The following LRRC18 variants were observed in gnomAD, a reference collection of about 807,000 sequenced individuals.
LRRC18 encodes the protein leucine rich repeat containing 18, also known as leucine-rich repeat-containing protein 18.
A neutral mutation model predicts 11.2 loss-of-function variants in LRRC18; 12 were observed. The observed-to-expected ratio is 1.07, with a 90% CI of 0.69 to 1.74. LRRC18 has a LOEUF of 1.74. Ranked by LOEUF, LRRC18 falls within the 40% of genes most tolerant of loss-of-function variation. The probability of loss-of-function intolerance (pLI) is 0.00; values close to 1 mark genes in which losing one functional copy is unlikely to be tolerated. For synonymous variants in LRRC18, 155 were observed against 130.6 expected (o/e 1.19, Z -1.27); for missense variants, 374 against 330.5 (o/e 1.13, Z -1.02).
chr10:48,916,430 T>C (rs1171736956), upstream of LRRC18, among the ~76,000 whole-genome samples: 2 of 152,194 alleles, frequency 1.3e-5, no homozygotes, highest in Non-Finnish European at 2.9e-5. Flanking sequence ...GGCCACCCTG[T>C]ATCCCTGGAG....
chr10:48,926,175 C>T, the LRRC18 span, among the ~76,000 whole-genome samples: 1 of 152,218 alleles, frequency 6.6e-6, no homozygotes, highest in Non-Finnish European at 1.5e-5. Flanking sequence ...GGAAGCCATC[C>T]TGGAATCCTA....
the LRRC18 span, among the ~76,000 whole-genome samples, chr10:48,919,796 T>C: frequency 6.6e-6 from 1 of 152,198 alleles, no homozygotes; most frequent in South Asian, 2.1e-4. Context: ...AGAGTTTCAA[T>C]ACAGATTTTT....
At chr10:48,929,086 C>G in the LRRC18 span, among the ~76,000 whole-genome samples, 1 of 152,096 alleles carries the variant, frequency 6.6e-6, no homozygotes, top group African/African-American at 2.4e-5. Flanking sequence ...AGGGGGAGGC[C>G]AGGAGGGCCA....
the LRRC18 span, among the ~76,000 whole-genome samples, chr10:48,934,222 G>A: frequency 6.6e-6 from 1 of 152,234 alleles, no homozygotes; most frequent in African/African-American, 2.4e-5. Flanking sequence ...GTTGATAAAT[G>A]TATGGAGAAT....
exon 2 of LRRC18, chr10:48,910,014 C>A: frequency 1.8e-6 from 1 of 541,888 alleles, no homozygotes; most frequent in Non-Finnish European, 3.3e-6. Flanking sequence ...ATTTTAAAAA[C>A]CACATCAAAT....
chr10:48,938,855 G>C, the LRRC18 span, among the ~76,000 whole-genome samples: 1 of 152,228 alleles, frequency 6.6e-6, no homozygotes, highest in African/African-American at 2.4e-5. Context: ...ATCCAGTAGA[G>C]GTGGACACCT....
At chr10:48,922,531 T>A in the LRRC18 span, among the ~76,000 whole-genome samples, 1 of 152,216 alleles carries the variant, frequency 6.6e-6, no homozygotes, top group African/African-American at 2.4e-5. Flanking sequence ...TTGAAATTGT[T>A]CTATTTTATG....
the LRRC18 span, among the ~76,000 whole-genome samples, chr10:48,922,966 G>T: frequency 6.6e-6 from 1 of 152,140 alleles, no homozygotes; most frequent in Non-Finnish European, 1.5e-5. Context: ...CAGTGATGGT[G>T]GTTACATGAA....
chr10:48,939,273 A>G, the LRRC18 span, among the ~76,000 whole-genome samples: 1 of 152,252 alleles, frequency 6.6e-6, no homozygotes, highest in Non-Finnish European at 1.5e-5. Flanking sequence ...CAACATCGCC[A>G]GGACCACGCC....
chr10:48,916,663 C>G (rs1456347466), upstream of LRRC18, among the ~76,000 whole-genome samples: 1 of 152,158 alleles, frequency 6.6e-6, no homozygotes, highest in Non-Finnish European at 1.5e-5. Context: ...CCACAGAGTT[C>G]AGAGAGATTG....
At chr10:48,910,159 T>C in exon 2 of LRRC18, 1 of 1,342,288 alleles carries the variant, frequency 7.4e-7, no homozygotes, top group African/African-American at 1.4e-5. Context: ...CTCTGTCTTC[T>C]CCTAACTGGG....
chr10:48,930,985 C>G, the LRRC18 span, among the ~76,000 whole-genome samples: 1 of 152,090 alleles, frequency 6.6e-6, no homozygotes, highest in African/African-American at 2.4e-5. Flanking sequence ...ACTCTTTTTA[C>G]TTTCCTTCTT....
the LRRC18 span, among the ~76,000 whole-genome samples, chr10:48,936,860 A>C: frequency 2.0e-4 from 30 of 151,794 alleles, no homozygotes; most frequent in East Asian, 5.6e-3. Context: ...AAGAAAAAAA[A>C]AGAAAATTAA....
At chr10:48,921,860 T>G in the LRRC18 span, among the ~76,000 whole-genome samples, 1 of 152,210 alleles carries the variant, frequency 6.6e-6, no homozygotes, top group Non-Finnish European at 1.5e-5. Context: ...TCTCATTCCT[T>G]GCTGATGGGA....
the LRRC18 span, among the ~76,000 whole-genome samples, chr10:48,920,345 A>G: frequency 1.3e-5 from 2 of 148,560 alleles, no homozygotes; most frequent in South Asian, 2.2e-4. Context: ...GAAGGGGAGC[A>G]TCACACACCG....
chr10:48,935,654 C>T, the LRRC18 span, among the ~76,000 whole-genome samples: 2 of 152,138 alleles, frequency 1.3e-5, no homozygotes, highest in Admixed American at 1.3e-4. Flanking sequence ...TTATTTGTTA[C>T]TCTTTTGTTT....
At chr10:48,930,646 CT>C in the LRRC18 span, among the ~76,000 whole-genome samples, 1 of 152,048 alleles carries the variant, frequency 6.6e-6, no homozygotes, top group Non-Finnish European at 1.5e-5. Context: ...AAGAACAAGA[CT>C]TTTGATAGAA....
chr10:48,912,969 C>G (rs545390540), intron 1 of LRRC18, among the ~76,000 whole-genome samples: 1 of 152,344 alleles, frequency 6.6e-6, no homozygotes, highest in South Asian at 2.1e-4. Flanking sequence ...AGATTCCTTG[C>G]CTTTGAAGCC....
At chr10:48,929,154 A>G in the LRRC18 span, among the ~76,000 whole-genome samples, 1 of 152,028 alleles carries the variant, frequency 6.6e-6, no homozygotes, top group African/African-American at 2.4e-5. Context: ...CAGGGAGAGA[A>G]TTTCAGATGG....
Sources: allele counts gnomAD v4.1 joint callset (sites outside exome capture counted in the v4.1 genomes callset), GRCh38; gene constraint gnomAD v4.1.1; transcripts MANE v1.5; gene names NCBI Gene and HGNC (gene_info 2026-07-23, HGNC 2026-07-21).